The following NPAS3 variants were observed in gnomAD, a reference collection of about 807,000 sequenced individuals.
NPAS3 encodes the protein neuronal PAS domain-containing protein 3.
Under a neutral mutation model 73.1 loss-of-function variants are expected in NPAS3, and 14 were observed. The ratio of observed to expected loss-of-function variants is 0.19; its 90% CI spans 0.13 to 0.30. NPAS3 has a LOEUF of 0.30. NPAS3 is among the 10% of genes least tolerant of loss of function. The pLI is 1.00. For missense variants in NPAS3, 1,096 were observed against 1,250.0 expected, an observed-to-expected ratio of 0.88 and a Z score of 1.86; for synonymous variants, 620 against 541.5, an observed-to-expected ratio of 1.14 and a Z score of -2.01.
chr14:33,213,416 T>C (rs755060296), intron 2 of NPAS3, among the ~76,000 whole-genome samples: 3 of 152,202 alleles, frequency 2.0e-5, no homozygotes, highest in African/African-American at 4.8e-5. Flanking sequence ...GTTAGATAAG[T>C]TACTTTTATT....
Position 33,797,448 on chromosome 14 carries a change from C to T in NPAS3, c.1302-9C>T, listed in dbSNP as rs765958049. 4 of 1,613,986 alleles carry T rather than the reference C, an allele frequency of 2.5e-6. No homozygotes were observed. Among genetic ancestry groups the T allele is most frequent in the Non-Finnish European group, 3.4e-6 (4 of 1,179,920 alleles). ...GTCTGCACTCCTGACCAGTGCCTCC[C>T]TTCCACAGCAATCCTGAGTACAAGG... On this transcript the variant is annotated splice_polypyrimidine_tract_variant and intron_variant, in intron 10 of 11. Coordinates refer to ENST00000356141, the Ensembl canonical transcript of NPAS3.
chr14:33,326,349 G>A (rs1344095966), intron 3 of NPAS3, among the ~76,000 whole-genome samples: 1 of 152,154 alleles, frequency 6.6e-6, no homozygotes, highest in African/African-American at 2.4e-5. Flanking sequence ...AAGAAATAGA[G>A]AACAGGTGGA....
chr14:33,291,857 C>T (rs2042111543), intron 3 of NPAS3, among the ~76,000 whole-genome samples: 2 of 152,226 alleles, frequency 1.3e-5, no homozygotes, highest in Admixed American at 6.5e-5. Context: ...CGTGTCTCCA[C>T]GCCTCACTTC....
intron 3 of NPAS3, among the ~76,000 whole-genome samples, chr14:33,336,065 A>G (rs568720022): frequency 6.6e-6 from 1 of 152,202 alleles, no homozygotes; most frequent in Non-Finnish European, 1.5e-5. Context: ...CTCACCAGCA[A>G]TGTGTGAGGG....
At chr14:33,586,671 T>C (rs1040222421) in intron 5 of NPAS3, among the ~76,000 whole-genome samples, 1 of 152,244 alleles carries the variant, frequency 6.6e-6, no homozygotes, top group Non-Finnish European at 1.5e-5. Flanking sequence ...TTCCCTTTTG[T>C]TAATTTAGCA....
At chr14:33,227,151 G>A (rs1255914459) in intron 3 of NPAS3, among the ~76,000 whole-genome samples, 2 of 152,164 alleles carry the variant, frequency 1.3e-5, no homozygotes, top group Non-Finnish European at 2.9e-5. Context: ...TTGTAAAGTG[G>A]TGCAGTGATA....
At chr14:33,678,360 C>A (rs2059829093) in intron 6 of NPAS3, among the ~76,000 whole-genome samples, 1 of 150,354 alleles carries the variant, frequency 6.7e-6, no homozygotes, top group South Asian at 2.1e-4. Flanking sequence ...ACTCCTTCTT[C>A]CCTATCCTAG....
At chr14:33,204,005 C>T (rs375425644) in intron 2 of NPAS3, among the ~76,000 whole-genome samples, 48,281 of 151,674 alleles carry the variant, frequency 0.32, 7,877 homozygotes, top group East Asian at 0.55. Flanking sequence ...TTTTTAATGA[C>T]TGCCATTCTA....
At position 33,621,358 on chromosome 14, in the gene NPAS3, A is replaced by C. The variant is rs564632770; in HGVS notation, c.559-54853A>C. On this transcript the variant is annotated intron_variant, in intron 5 of 11. Transcript: ENST00000356141. ...TTGCCAGCTAAAAGATAGGGATGCC[A>C]AAGTGTTCATGTAAAAATCATATTA... Among the ~76,000 whole-genome samples the C allele has an allele frequency of 3.9e-5, 6 of 152,304 alleles. No individual in the cohort carries two copies. The South Asian group carries it at 1.2e-3, about 32-fold the overall frequency.
intron 4 of NPAS3, among the ~76,000 whole-genome samples, chr14:33,514,019 G>A (rs1056877905): frequency 6.6e-6 from 1 of 152,002 alleles, no homozygotes; most frequent in East Asian, 1.9e-4. Flanking sequence ...CATATCCACC[G>A]GGGGCCAGTT....
At chr14:32,949,163 C>T (rs2036385350) in intron 1 of NPAS3, among the ~76,000 whole-genome samples, 1 of 152,062 alleles carries the variant, frequency 6.6e-6, no homozygotes, top group African/African-American at 2.4e-5. Flanking sequence ...GATCAGCTTG[C>T]ATTGAATATT....
At chr14:33,370,653 A>T (rs1313879229) in intron 4 of NPAS3, among the ~76,000 whole-genome samples, 1 of 152,134 alleles carries the variant, frequency 6.6e-6, no homozygotes, top group African/African-American at 2.4e-5. Flanking sequence ...TAAGATACTG[A>T]TATAAAGAGA....
intron 4 of NPAS3, among the ~76,000 whole-genome samples, chr14:33,398,908 T>A (rs2047334109): frequency 6.6e-6 from 1 of 152,130 alleles, no homozygotes; most frequent in Non-Finnish European, 1.5e-5. Context: ...GGTTATATTT[T>A]GCTACAATAT....
intron 7 of NPAS3, among the ~76,000 whole-genome samples, chr14:33,744,192 C>A (rs184162733): frequency 6.6e-6 from 1 of 152,314 alleles, no homozygotes; most frequent in East Asian, 1.9e-4. Flanking sequence ...TAAGCTTCAT[C>A]ATTTCTAGCT....
chr14:33,415,705 T>C (rs2048117492), intron 4 of NPAS3, among the ~76,000 whole-genome samples: 3 of 152,136 alleles, frequency 2.0e-5, no homozygotes, highest in South Asian at 4.1e-4. Context: ...AAGACATTCA[T>C]GGTCCTACAT....
chr14:33,165,691 AACTT>A (rs2045108550), intron 2 of NPAS3, among the ~76,000 whole-genome samples: 1 of 152,068 alleles, frequency 6.6e-6, no homozygotes, highest in Non-Finnish European at 1.5e-5. Flanking sequence ...CTTAGTTTAA[AACTT>A]ACTTCCTCTC....
At chr14:33,600,586 TA>T (rs927418565) in intron 5 of NPAS3, among the ~76,000 whole-genome samples, 27 of 152,238 alleles carry the variant, frequency 1.8e-4, no homozygotes, top group African/African-American at 5.5e-4. Flanking sequence ...TTGTACAGAT[TA>T]AAAAAACTGG....
At chr14:33,487,905 C>T (rs1459287691) in intron 4 of NPAS3, among the ~76,000 whole-genome samples, 2 of 152,126 alleles carry the variant, frequency 1.3e-5, no homozygotes, top group Non-Finnish European at 2.9e-5. Flanking sequence ...TTCTGATACA[C>T]TTATATCTGT....
At chr14:33,335,622 G>A (rs978464031) in intron 3 of NPAS3, among the ~76,000 whole-genome samples, 1 of 152,114 alleles carries the variant, frequency 6.6e-6, no homozygotes, top group Non-Finnish European at 1.5e-5. Flanking sequence ...AGGCCAGTTT[G>A]CATCATACTG....
Sources: gnomAD v4.1 joint callset for allele counts (sites outside exome capture counted in the v4.1 genomes callset) on GRCh38, gnomAD v4.1.1 for gene constraint, MANE v1.5 for transcripts, NCBI Gene and HGNC (gene_info 2026-07-23, HGNC 2026-07-21) for gene names.